The following LARS2 variants were observed in gnomAD, a reference collection of about 807,000 sequenced individuals.
The protein encoded by LARS2 is leucyl-tRNA synthetase 2, mitochondrial.
LARS2 carries 81 observed loss-of-function variants against 116.6 expected under a neutral mutation model. The ratio of observed to expected loss-of-function variants is 0.69; its 90% CI spans 0.58 to 0.84. The LOEUF (loss-of-function observed/expected upper bound fraction) is 0.84. LARS2 is among the 40% of genes least tolerant of loss of function. The pLI is 0.00. For missense variants in LARS2, 968 were observed against 1,114.5 expected (o/e 0.87, Z 1.87); for synonymous variants, 396 against 407.2 (o/e 0.97, Z 0.33).
At chr3:45,514,352 G>T (rs1269401471) in intron 16 of LARS2, among the ~76,000 whole-genome samples, 1 of 152,220 alleles carries the variant, frequency 6.6e-6, no homozygotes, top group African/African-American at 2.4e-5. Flanking sequence ...CCCTGTAAAT[G>T]GTAGGCAGCC....
At chr3:45,487,481 T>G (rs975317404) in intron 11 of LARS2, among the ~76,000 whole-genome samples, 1 of 152,238 alleles carries the variant, frequency 6.6e-6, no homozygotes, top group Non-Finnish European at 1.5e-5. Flanking sequence ...AAGCACCTTG[T>G]GTAATACCCT....
intron 20 of LARS2, among the ~76,000 whole-genome samples, chr3:45,537,166 T>TG (rs111762350): frequency 0.048 from 7,305 of 152,286 alleles, 182 homozygotes; most frequent in Middle Eastern, 0.085. Context: ...TATAGTTCTG[T>TG]GTGACTTTTC....
Position 45,520,314 on chromosome 3 carries a change from A to G in LARS2, c.2292+18A>G. 6.3e-7 allele frequency: 1 copy of G among 1,595,848 alleles called. No homozygotes were observed. The highest frequency in any genetic ancestry group is 8.6e-7 in the Non-Finnish European group (1 of 1,163,616). On this transcript the variant is annotated intron_variant, in intron 19 of 21. Coordinates refer to ENST00000645846, the MANE Select transcript of LARS2 (RefSeq NM_015340.4). ...CCCTCTCGGTAAGTGGCCTGTCCTC[A>G]TTTGCTGGTAGCAGAGGAGGGAGGG...
intron 17 of LARS2, 35 bp from the exon 18 acceptor site, chr3:45,517,868 G>T: frequency 6.3e-7 from 1 of 1,575,220 alleles, no homozygotes; most frequent in Non-Finnish European, 8.7e-7. Flanking sequence ...TATGTTGCAC[G>T]CTCTCTCTTT....
At chr3:45,397,263 C>T (rs886161087) in intron 3 of LARS2, among the ~76,000 whole-genome samples, 1 of 152,118 alleles carries the variant, frequency 6.6e-6, no homozygotes, top group Non-Finnish European at 1.5e-5. Context: ...TCTCTCTTTT[C>T]CACCCCCAGA....
At chr3:45,543,978 A>G (rs1401485362) in intron 21 of LARS2, among the ~76,000 whole-genome samples, 1 of 152,224 alleles carries the variant, frequency 6.6e-6, no homozygotes, top group Non-Finnish European at 1.5e-5. Context: ...ATTGAAATGC[A>G]AACCTAAAAT....
At chr3:45,513,606 C>T (rs1700326430) in intron 16 of LARS2, among the ~76,000 whole-genome samples, 1 of 152,194 alleles carries the variant, frequency 6.6e-6, no homozygotes, top group Non-Finnish European at 1.5e-5. Context: ...CTGGGGTACT[C>T]CCAGTGTTTC....
chr3:45,406,152 T>C (rs113788218), intron 4 of LARS2, among the ~76,000 whole-genome samples: 6 of 152,290 alleles, frequency 3.9e-5, no homozygotes, highest in African/African-American at 1.2e-4. Flanking sequence ...GACCTCTCAA[T>C]TGGAGCCTGT....
intron 7 of LARS2, among the ~76,000 whole-genome samples, chr3:45,451,439 G>C (rs1296252670): frequency 6.6e-6 from 1 of 151,922 alleles, no homozygotes; most frequent in Non-Finnish European, 1.5e-5. Flanking sequence ...AGTTTTCCCA[G>C]CAACATTTAT....
chr3:45,483,039 A>G (rs976930638), intron 10 of LARS2, among the ~76,000 whole-genome samples: 7 of 152,192 alleles, frequency 4.6e-5, no homozygotes, highest in African/African-American at 1.7e-4. Flanking sequence ...ACCTAGCTGC[A>G]AGGGAGGCTG....
chr3:45,425,648 A>G (rs1698581611), intron 6 of LARS2, among the ~76,000 whole-genome samples: 1 of 152,216 alleles, frequency 6.6e-6, no homozygotes, highest in Non-Finnish European at 1.5e-5. Context: ...GTTCCCCACC[A>G]TCAGCACATA....
intron 11 of LARS2, 92 bp downstream of exon 11, chr3:45,485,888 T>A: frequency 1.5e-6 from 1 of 688,364 alleles, no homozygotes; most frequent in Non-Finnish European, 2.5e-6. Flanking sequence ...AAGAGCTGAC[T>A]ATAGATTCCA....
chr3:45,398,128 C>G (rs1290544345), intron 3 of LARS2, among the ~76,000 whole-genome samples: 1 of 152,194 alleles, frequency 6.6e-6, no homozygotes, highest in African/African-American at 2.4e-5. Flanking sequence ...TTTCCCATCT[C>G]TTCCTTCAGG....
Position 45,403,316 on chromosome 3 carries a change from T to C in LARS2, c.363+2943T>C, listed in dbSNP as rs150107967. Among the ~76,000 whole-genome samples the C allele has an allele frequency of 2.3e-4, 35 of 152,000 alleles. 1 individual carries two copies. Among genetic ancestry groups the C allele is most frequent in the African/African-American group, 7.0e-4 (29 of 41,466 alleles). On this transcript the variant is annotated intron_variant, in intron 4 of 21. Transcript: ENST00000645846. Reference sequence around the variant, plus strand: ...CAGGCAAATTGCCTACAATTAAGCTTTTTTTTGTTTGTTTTTTGAGGCGGA... The same window carrying C: ...CAGGCAAATTGCCTACAATTAAGCTCTTTTTTGTTTGTTTTTTGAGGCGGA...
In LARS2 at chr3:45,458,825, G is replaced by T; in HGVS notation, c.689G>T (p.Gly230Val). Residue 230 changes from glycine (G) to valine (V), a missense_variant, in exon 8 of 22, where the codon GGA (glycine) becomes GTA (valine). Coordinates refer to ENST00000645846, the MANE Select transcript of LARS2 (RefSeq NM_015340.4). ...GAACATGGCTGTTCATGGCGTTCTG[G>T]AGCAAAGGTGGAACAGAAGTACCTC... is the stretch of plus-strand genomic sequence containing the variant. ...VDEHGCSWRS[G>V]AKVEQKYLRQ... 1 of 1,614,122 alleles carries T rather than the reference G, an allele frequency of 6.2e-7. No individual in the cohort carries two copies. Among genetic ancestry groups the T allele is most frequent in the Non-Finnish European group, 8.5e-7 (1 of 1,179,966 alleles).
intron 15 of LARS2, among the ~76,000 whole-genome samples, chr3:45,512,164 A>T (rs1457508223): frequency 6.6e-6 from 1 of 152,144 alleles, no homozygotes; most frequent in Non-Finnish European, 1.5e-5. Context: ...ACCTTTAAAA[A>T]TTTACCTTGA....
At position 45,476,617 on chromosome 3, in the gene LARS2, C is replaced by G. The variant is rs142803778; in HGVS notation, c.1008C>G (p.Val336=). The change falls in exon 10 of 22, where the codon GTC becomes GTG. Residue 336 remains valine (V), a synonymous_variant. Transcript: ENST00000645846. ...AGGAAGCCTTGAGGATGGCCCTTGT[C>G]CCTGGCAAAGGTGAGCTGGCAAGTT... The part of the protein sequence containing the change: ...SLKEALRMAL[V]PGKDCLTPVM... 1 of 1,614,052 alleles carries G rather than the reference C, an allele frequency of 6.2e-7. No homozygotes were observed. Among genetic ancestry groups the G allele is most frequent in the South Asian group, 1.1e-5 (1 of 91,078 alleles).
Position 45,410,755 on chromosome 3 carries a change from C to T in LARS2, c.364-6727C>T, listed in dbSNP as rs183301505. Among the ~76,000 whole-genome samples, 31 of 152,344 alleles carry T rather than the reference C, an allele frequency of 2.0e-4. No individual in the cohort carries two copies. In the East Asian group the frequency reaches 5.6e-3, roughly 27 times the overall value. ...AAGGAGAAAAGAGAGCCCTGTCCTC[C>T]TCCAGCGTTCCGCCTTACTCTGTAC... On this transcript the variant is annotated intron_variant, in intron 4 of 21. Coordinates refer to ENST00000645846, the MANE Select transcript of LARS2 (RefSeq NM_015340.4).
chr3:45,499,515 G>C (rs560005958), intron 14 of LARS2, among the ~76,000 whole-genome samples: 8 of 152,242 alleles, frequency 5.3e-5, no homozygotes, highest in African/African-American at 1.7e-4. Context: ...CTAGATACTT[G>C]GGAGGTTGAG....
Sources: allele counts gnomAD v4.1 joint callset (sites outside exome capture counted in the v4.1 genomes callset), GRCh38; gene constraint gnomAD v4.1.1; transcripts MANE v1.5; gene names NCBI Gene and HGNC (gene_info 2026-07-23, HGNC 2026-07-21).